Variants in PPEF1 observed in about 807,000 individuals in gnomAD.
PPEF1 encodes the protein serine/threonine-protein phosphatase with EF-hands 1.
In PPEF1, 12 loss-of-function variants were observed where a neutral mutation model predicts 53.3. The ratio of observed to expected loss-of-function variants is 0.23; its 90% CI spans 0.14 to 0.36. PPEF1 has a LOEUF of 0.36. Among genes scored for constraint, PPEF1 ranks in the 10% least tolerant of loss-of-function variants. PPEF1 has a pLI of 1.00. For missense variants in PPEF1, 334 were observed against 490.4 expected (o/e 0.68, Z 3.01); for synonymous variants, 165 against 176.7 (o/e 0.93, Z 0.52).
At chrX:18,689,509 AAAAAT>A (rs779042474) in intron 3 of PPEF1, among the ~76,000 whole-genome samples, 33 of 105,853 alleles carry the variant, frequency 3.1e-4, no homozygotes, top group Admixed American at 5.9e-4. Context: ...TCAAACAAAT[AAAAAT>A]AAATAAATAA....
chrX:18,736,132 C>A (rs1044653185), intron 3 of PPEF1, among the ~76,000 whole-genome samples: 1 of 111,309 alleles, frequency 9.0e-6, no homozygotes, highest in Non-Finnish European at 1.9e-5. Flanking sequence ...CTTTCTCCTG[C>A]CTGATTGCCC....
chrX:18,785,388 T>C (rs890554846), intron 9 of PPEF1, among the ~76,000 whole-genome samples: 1 of 111,407 alleles, frequency 9.0e-6, no homozygotes, highest in African/African-American at 3.3e-5. Flanking sequence ...TCACTGACTA[T>C]CTCTTGAGGG....
chrX:18,795,915 G>A lies in PPEF1; in HGVS notation c.1065+6642G>A, dbSNP rs535834449. Among the ~76,000 whole-genome samples the A allele has an allele frequency of 8.9e-5, 10 of 112,136 alleles. No individual in the cohort carries two copies. The South Asian group carries it at 2.2e-3, about 25-fold the overall frequency. On this transcript the variant is annotated intron_variant, in intron 10 of 15. Coordinates refer to ENST00000470157, the MANE Select transcript of PPEF1 (RefSeq NM_001377996.1). ...AGGTCATACCATGTCTCTCACTGTA[G>A]GAAAAGATGTTACAGGACACTGGGT... is the stretch of plus-strand genomic sequence containing the variant.
At position 18,811,575 on chromosome X, in the gene PPEF1, A is replaced by G. The variant is rs191023810; in HGVS notation, c.1394+5030A>G. On this transcript the variant is annotated intron_variant, in intron 12 of 15. Coordinates refer to ENST00000470157, the MANE Select transcript of PPEF1 (RefSeq NM_001377996.1). ...CAAGAGTTCTTTATTCTATATACAC[A>G]TCACTTATTCAGTATATATATATAT... Among the ~76,000 whole-genome samples the G allele has an allele frequency of 4.0e-3, 406 of 102,374 alleles. 1 individual carries two copies. Among genetic ancestry groups the G allele is most frequent in the Non-Finnish European group, 6.5e-3 (330 of 50,927 alleles). 88.9% of individuals were successfully genotyped at this position (102,374 alleles called of 115,157 possible). A position where few individuals can be genotyped will look rare whatever the true frequency, so the allele number is the denominator to read the frequency against.
intron 1 of PPEF1, among the ~76,000 whole-genome samples, chrX:18,711,078 ATG>A (rs201594258): frequency 0.019 from 1,937 of 100,556 alleles, 57 homozygotes; most frequent in African/African-American, 0.064. Context: ...ATGTATATAT[ATG>A]TGTGTGTGTG....
At chrX:18,737,093 A>G (rs1187838994) in intron 3 of PPEF1, among the ~76,000 whole-genome samples, 2 of 111,138 alleles carry the variant, frequency 1.8e-5, no homozygotes, top group Admixed American at 1.9e-4. Context: ...GGATTCATTG[A>G]TTTTTTGAAG....
intron 13 of PPEF1, among the ~76,000 whole-genome samples, chrX:18,821,776 AGAGAGAGAGAGAGAGAGAGAGAG>A (rs1166498892): frequency 4.5e-4 from 46 of 101,913 alleles, no homozygotes; most frequent in Non-Finnish European, 7.8e-4. Context: ...AGAGAGAGAG[AGAGAGAGAGAGAGAGAGAGAGAG>A]AGAGAAAACA....
chrX:18,800,303 T>C (rs1451548316), intron 10 of PPEF1, among the ~76,000 whole-genome samples: 1 of 110,595 alleles, frequency 9.0e-6, no homozygotes, highest in Non-Finnish European at 1.9e-5. Flanking sequence ...TCATATACTT[T>C]ATCACATATA....
intron 12 of PPEF1, among the ~76,000 whole-genome samples, chrX:18,814,881 A>G (rs1329858547): frequency 8.9e-6 from 1 of 111,739 alleles, no homozygotes; most frequent in African/African-American, 3.2e-5. Flanking sequence ...TTTTGTTACA[A>G]TTGCTTTTGA....
At chrX:18,716,851 G>A (rs1025604093) in intron 1 of PPEF1, among the ~76,000 whole-genome samples, 2 of 110,027 alleles carry the variant, frequency 1.8e-5, no homozygotes, top group African/African-American at 6.6e-5. Flanking sequence ...CTGTGAACTC[G>A]GACCGTCCTC....
At chrX:18,755,593 G>C (rs1224924992) in intron 4 of PPEF1, among the ~76,000 whole-genome samples, 2 of 109,575 alleles carry the variant, frequency 1.8e-5, no homozygotes, top group Non-Finnish European at 3.8e-5. Context: ...AAGAGTGTAT[G>C]GTTCAACAGT....
intron 9 of PPEF1, among the ~76,000 whole-genome samples, chrX:18,787,271 C>T (rs1006796301): frequency 2.7e-5 from 3 of 110,895 alleles, no homozygotes; most frequent in South Asian, 7.6e-4. Flanking sequence ...CACCTGCGGT[C>T]GTAATGGTAT....
At chrX:18,765,181 G>A (rs2045741831) in intron 6 of PPEF1, among the ~76,000 whole-genome samples, 1 of 111,826 alleles carries the variant, frequency 8.9e-6, no homozygotes, top group African/African-American at 3.3e-5. Flanking sequence ...TGAGAGGGAT[G>A]TCTGGAAAAC....
chrX:18,715,220 G>A (rs769710480), intron 1 of PPEF1, among the ~76,000 whole-genome samples: 2 of 108,915 alleles, frequency 1.8e-5, no homozygotes, highest in Admixed American at 9.9e-5. Flanking sequence ...CCACCACTGA[G>A]TGAGACCCTG....
chrX:18,763,030 A>C (rs766564510), intron 6 of PPEF1, among the ~76,000 whole-genome samples: 15 of 111,623 alleles, frequency 1.3e-4, no homozygotes, highest in African/African-American at 4.9e-4. Context: ...CAAAATTAGA[A>C]AGTTTTCCAG....
chrX:18,773,304 T>C (rs1292510623), intron 6 of PPEF1, among the ~76,000 whole-genome samples: 6 of 112,333 alleles, frequency 5.3e-5, no homozygotes, highest in Admixed American at 1.9e-4. Context: ...TATTATGACA[T>C]AATGTTGCTT....
chrX:18,723,568 CA>C (rs1399322587), intron 1 of PPEF1, among the ~76,000 whole-genome samples: 2 of 111,445 alleles, frequency 1.8e-5, no homozygotes, highest in African/African-American at 6.5e-5. Flanking sequence ...ATATATAATA[CA>C]TTTCCAGGCC....
intron 10 of PPEF1, among the ~76,000 whole-genome samples, chrX:18,790,401 G>A (rs2046302485): frequency 1.8e-5 from 2 of 111,541 alleles, no homozygotes; most frequent in African/African-American, 3.3e-5. Flanking sequence ...TCTGTGGGTT[G>A]TCTTTTCCCC....
chrX:18,712,255 T>C (rs1439702332), intron 1 of PPEF1, among the ~76,000 whole-genome samples: 1 of 111,547 alleles, frequency 9.0e-6, no homozygotes, highest in Non-Finnish European at 1.9e-5. Flanking sequence ...TTGGGGAGTA[T>C]TGCTATATTA....
Sources: allele counts gnomAD v4.1 joint callset (sites outside exome capture counted in the v4.1 genomes callset), GRCh38; gene constraint gnomAD v4.1.1; transcripts MANE v1.5; gene names NCBI Gene and HGNC (gene_info 2026-07-23, HGNC 2026-07-21).